The following TG variants were observed in gnomAD, a reference collection of about 807,000 sequenced individuals.
TG encodes the protein thyroglobulin.
Under a neutral mutation model 324.7 loss-of-function variants are expected in TG, and 270 were observed. The observed-to-expected ratio is 0.83, with a 90% CI of 0.75 to 0.92. The LOEUF (loss-of-function observed/expected upper bound fraction) is 0.92. TG is among the 40% of genes least tolerant of loss of function. The probability of loss-of-function intolerance (pLI) is 0.00; values close to 1 mark genes in which losing one functional copy is unlikely to be tolerated. For missense variants in TG, 3,591 were observed against 3,456.4 expected (o/e 1.04, Z -0.98); for synonymous variants, 1,401 against 1,327.0 (o/e 1.06, Z -1.21).
At chr8:132,977,729 G>C (rs1830346029) in intron 34 of TG, among the ~76,000 whole-genome samples, 1 of 152,162 alleles carries the variant, frequency 6.6e-6, no homozygotes, top group Admixed American at 6.5e-5. Context: ...CCACTCCCAT[G>C]ATTCAATCAT....
intron 41 of TG, among the ~76,000 whole-genome samples, chr8:133,036,406 T>G (rs1305442181): frequency 6.6e-6 from 1 of 152,196 alleles, no homozygotes; most frequent in East Asian, 1.9e-4. Flanking sequence ...AAGAAATTCT[T>G]GGAAGAACAA....
chr8:132,922,291 A>G (rs890372840), intron 21 of TG, among the ~76,000 whole-genome samples: 1 of 152,232 alleles, frequency 6.6e-6, no homozygotes. Flanking sequence ...CAGCTTGAAC[A>G]TGGATATAGA....
chr8:133,073,664 A>G (rs1199634938), intron 41 of TG, among the ~76,000 whole-genome samples: 2 of 152,222 alleles, frequency 1.3e-5, no homozygotes, highest in African/African-American at 2.4e-5. Flanking sequence ...TCAGCATCTC[A>G]TAGCAAACCA....
intron 10 of TG, among the ~76,000 whole-genome samples, chr8:132,892,018 A>G (rs1212506624): frequency 6.6e-6 from 1 of 152,204 alleles, no homozygotes; most frequent in Non-Finnish European, 1.5e-5. Context: ...ACAAAACCCC[A>G]TGGACTAGAT....
intron 41 of TG, among the ~76,000 whole-genome samples, chr8:133,075,818 G>A (rs892676994): frequency 6.6e-6 from 1 of 152,090 alleles, no homozygotes; most frequent in Non-Finnish European, 1.5e-5. Flanking sequence ...GGAGACAGAA[G>A]GCAAACGGGA....
chr8:133,134,890 A>G lies in TG; in HGVS notation c.*96A>G, dbSNP rs544385940. The G allele has an allele frequency of 7.5e-6, 7 of 931,044 alleles. No individual in the cohort carries two copies. Among genetic ancestry groups the G allele is most frequent in the Non-Finnish European group, 1.2e-5 (7 of 570,880 alleles). The allele number at this position is 931,044 out of a possible 1,614,324, so 57.7% of individuals were successfully genotyped here. A position where few individuals can be genotyped will look rare whatever the true frequency, so the allele number is the denominator to read the frequency against. Reference sequence around the variant, plus strand: ...CACTTACCTTCAATAAAGTATCTACATGCGGTGAAGCATTGTTGACTCTAA... The same window carrying G: ...CACTTACCTTCAATAAAGTATCTACGTGCGGTGAAGCATTGTTGACTCTAA... On this transcript the variant is annotated 3_prime_UTR_variant, in exon 48 of 48. Coordinates refer to ENST00000220616, the MANE Select transcript of TG (RefSeq NM_003235.5).
intron 35 of TG, chr8:132,989,033 G>A (rs1831974038): frequency 1.2e-5 from 4 of 341,982 alleles, no homozygotes; most frequent in Non-Finnish European, 1.7e-5. Context: ...AGGCAAGGAG[G>A]AACAAGTCAC....
intron 41 of TG, chr8:133,047,696 C>G (rs1055497628): frequency 1.4e-6 from 1 of 694,546 alleles, no homozygotes. Context: ...GTGTGGGCTG[C>G]AGGGAGCTTA....
At chr8:132,984,476 C>T (rs368805405) in intron 35 of TG, among the ~76,000 whole-genome samples, 2 of 152,146 alleles carry the variant, frequency 1.3e-5, no homozygotes, top group Non-Finnish European at 2.9e-5. Context: ...AGGTTGGCAT[C>T]GTTATTGCCA....
Position 132,899,032 on chromosome 8 carries a change from G to A in TG, c.3330+122G>A, listed in dbSNP as rs983921689. 6 of 874,364 alleles carry A rather than the reference G, an allele frequency of 6.9e-6. No homozygotes were observed. The African/African-American group carries it at 1.0e-4, about 15-fold the overall frequency. 54.2% of individuals were successfully genotyped at this position (874,364 alleles called of 1,614,324 possible). Reference sequence around the variant, plus strand: ...CTCACATGATGTTCTCAGCCTGGGTGTTTGTCTGGGCCTGCTAGAACCTGG... The same window carrying A: ...CTCACATGATGTTCTCAGCCTGGGTATTTGTCTGGGCCTGCTAGAACCTGG... On this transcript the variant is annotated intron_variant, in intron 14 of 47. Transcript: ENST00000220616.
At chr8:133,062,873 T>C (rs1474411509) in intron 41 of TG, among the ~76,000 whole-genome samples, 17 of 151,664 alleles carry the variant, frequency 1.1e-4, no homozygotes, top group Admixed American at 1.1e-3. Flanking sequence ...AGGAAGCATG[T>C]GTGTGACATG....
chr8:132,910,438 C>T (rs1043277525), intron 18 of TG, among the ~76,000 whole-genome samples: 1 of 152,178 alleles, frequency 6.6e-6, no homozygotes, highest in African/African-American at 2.4e-5. Flanking sequence ...TATGTAAACT[C>T]TCTTGGAATG....
intron 35 of TG, among the ~76,000 whole-genome samples, chr8:132,995,677 G>A (rs1321164400): frequency 6.6e-6 from 1 of 152,172 alleles, no homozygotes; most frequent in African/African-American, 2.4e-5. Context: ...TGGGGAAGTT[G>A]GTGGGGATGT....
At chr8:133,064,576 C>T (rs1842810514) in intron 41 of TG, among the ~76,000 whole-genome samples, 1 of 152,220 alleles carries the variant, frequency 6.6e-6, no homozygotes, top group Non-Finnish European at 1.5e-5. Flanking sequence ...GCTGTCTCTC[C>T]AGCGTAAGGA....
intron 44 of TG, 133 bp downstream of exon 44, chr8:133,113,736 A>C (rs1194923536): frequency 2.9e-6 from 3 of 1,051,126 alleles, no homozygotes; most frequent in African/African-American, 1.6e-5. Flanking sequence ...TCATTCATTC[A>C]GCCTACAGCA....
chr8:132,911,957 G>C (rs1027018683), intron 19 of TG, among the ~76,000 whole-genome samples: 3 of 152,202 alleles, frequency 2.0e-5, no homozygotes, highest in African/African-American at 2.4e-5. Context: ...AGGAGAGAGA[G>C]AAGAATGGAT....
intron 26 of TG, among the ~76,000 whole-genome samples, chr8:132,947,989 T>C (rs1825562780): frequency 6.6e-6 from 1 of 152,094 alleles, no homozygotes; most frequent in African/African-American, 2.4e-5. Flanking sequence ...AAATTCAGAG[T>C]CAGGAGACAT....
chr8:132,991,358 T>A (rs1832306217), intron 35 of TG, among the ~76,000 whole-genome samples: 1 of 152,118 alleles, frequency 6.6e-6, no homozygotes, highest in Non-Finnish European at 1.5e-5. Flanking sequence ...GTTTTCTTAC[T>A]ACTATAGGCA....
In TG at chr8:132,967,654, A is replaced by T; in HGVS notation, c.5687-140A>T. On this transcript the variant is annotated intron_variant, in intron 30 of 47. Coordinates refer to ENST00000220616, the MANE Select transcript of TG (RefSeq NM_003235.5). The stretch of plus-strand genomic sequence containing the variant: ...TTTTTGCATGGGCCTTCCAGACTGG[A>T]TGATCATGACAGTCTCAGGCCTCTG... 10 of 934,628 alleles carry T rather than the reference A, an allele frequency of 1.1e-5. No individual in the cohort carries two copies. The South Asian group carries it at 1.2e-4, about 11-fold the overall frequency. 57.9% of individuals were successfully genotyped at this position (934,628 alleles called of 1,614,324 possible).
Sources: allele counts gnomAD v4.1 joint callset (sites outside exome capture counted in the v4.1 genomes callset), GRCh38; gene constraint gnomAD v4.1.1; transcripts MANE v1.5; gene names NCBI Gene and HGNC (gene_info 2026-07-23, HGNC 2026-07-21).